TANC1: variants seen among roughly 807,000 people sequenced by gnomAD.
TANC1 encodes the protein tetratricopeptide repeat, ankyrin repeat and coiled-coil containing 1, also known as protein TANC1.
A neutral mutation model predicts 149.7 loss-of-function variants in TANC1; 77 were observed. The ratio of observed to expected loss-of-function variants is 0.51; its 90% CI spans 0.43 to 0.62. TANC1 has a LOEUF of 0.62. Ranked by LOEUF, TANC1 falls within the 20% of genes least tolerant of loss-of-function variation. The pLI is 0.00. For synonymous variants in TANC1, 854 were observed against 925.0 expected (o/e 0.92, Z 1.39); for missense variants, 1,985 against 2,321.8 (o/e 0.85, Z 2.98).
At position 159,231,231 on chromosome 2, in the gene TANC1, C is replaced by A. The variant is rs2060320056; in HGVS notation, c.*219C>A. On this transcript the variant is annotated 3_prime_UTR_variant, in exon 27 of 27. Transcript: ENST00000263635. The stretch of plus-strand genomic sequence containing the variant: ...TAAACAGAATTGAAAATTATATCAA[C>A]TTAAAATTTTAAGACAGCCCAGAAG... 3 of 473,290 alleles carry A rather than the reference C, an allele frequency of 6.3e-6. No individual in the cohort carries two copies. Among genetic ancestry groups the A allele is most frequent in the East Asian group, 7.0e-5 (2 of 28,548 alleles). The allele number at this position is 473,290 out of a possible 1,614,324, so 29.3% of individuals were successfully genotyped here.
intron 2 of TANC1, among the ~76,000 whole-genome samples, chr2:159,052,345 CTA>C (rs1241421547): frequency 2.0e-5 from 3 of 152,148 alleles, no homozygotes; most frequent in East Asian, 3.8e-4. Flanking sequence ...CTTTTACAGA[CTA>C]TTCTGAAAAT....
intron 1 of TANC1, among the ~76,000 whole-genome samples, chr2:158,986,392 T>C (rs1256540428): frequency 6.6e-6 from 1 of 152,138 alleles, no homozygotes; most frequent in Non-Finnish European, 1.5e-5. Flanking sequence ...AAATGCCCAG[T>C]CGGTGGTTGG....
chr2:159,217,615 C>G lies in TANC1; in HGVS notation c.3363C>G (p.Arg1121=), dbSNP rs374886231. ...RGVPPLFCAA[R]QGHWQIVRLL... ...TTCCACCTTTGTTTTGTGCAGCACG[C>G]CAGGGGCATTGGCAGGTACCCAGGG... The change falls in exon 20 of 27, where the codon CGC becomes CGG. Residue 1121 remains arginine (R), a synonymous_variant. Transcript: ENST00000263635. The G allele has an allele frequency of 5.0e-6, 8 of 1,614,096 alleles. No individual in the cohort carries two copies. The highest frequency in any genetic ancestry group is 6.8e-6 in the Non-Finnish European group (8 of 1,180,020).
chr2:159,205,966 G>A (rs772995425), intron 19 of TANC1, among the ~76,000 whole-genome samples: 13 of 152,220 alleles, frequency 8.5e-5, no homozygotes, highest in African/African-American at 1.4e-4. Context: ...GAGGTCCTGA[G>A]CATCTCACCA....
chr2:159,228,156 C>T (rs531050330), intron 25 of TANC1, 191 bp downstream of exon 25: 43 of 616,774 alleles, frequency 7.0e-5, no homozygotes, highest in Admixed American at 9.9e-5. Context: ...CTACGCTCCT[C>T]GCATGATGTT....
chr2:158,974,897 T>C (rs2033435005), intron 1 of TANC1, among the ~76,000 whole-genome samples: 3 of 147,386 alleles, frequency 2.0e-5, no homozygotes, highest in South Asian at 4.3e-4. Context: ...CACACCCAGC[T>C]AATTTTTGTA....
intron 4 of TANC1, among the ~76,000 whole-genome samples, chr2:159,125,069 T>C (rs1032462956): frequency 7.9e-5 from 12 of 152,136 alleles, no homozygotes; most frequent in African/African-American, 2.9e-4. Flanking sequence ...TGGCACATTG[T>C]AATTACTACC....
chr2:159,011,527 ATTTTTTTTT>A (rs10586189), intron 2 of TANC1, among the ~76,000 whole-genome samples: 2 of 106,726 alleles, frequency 1.9e-5, no homozygotes, highest in African/African-American at 7.1e-5. Context: ...TACACCTTAA[ATTTTTTTTT>A]TTTTTTTTTT....
intron 4 of TANC1, among the ~76,000 whole-genome samples, chr2:159,126,006 C>T (rs899136471): frequency 6.6e-6 from 1 of 152,198 alleles, no homozygotes; most frequent in South Asian, 2.1e-4. Context: ...TGGCTTCCTT[C>T]TCACACTTTA....
chr2:159,177,448 C>T (rs571981449), intron 13 of TANC1, among the ~76,000 whole-genome samples: 3 of 152,080 alleles, frequency 2.0e-5, no homozygotes, highest in Admixed American at 6.5e-5. Flanking sequence ...TATTTAAAAA[C>T]AGCATTTGGA....
At chr2:159,070,455 T>C (rs570987975) in intron 3 of TANC1, among the ~76,000 whole-genome samples, 4 of 152,266 alleles carry the variant, frequency 2.6e-5, no homozygotes, top group Non-Finnish European at 4.4e-5. Context: ...AGGTTCACTC[T>C]TGATATTGTG....
chr2:159,179,150 C>A lies in TANC1; in HGVS notation c.2497C>A (p.Leu833Met). 6.2e-7 allele frequency: 1 copy of A among 1,610,620 alleles called. No homozygotes were observed. The highest frequency in any genetic ancestry group is 8.5e-7 in the Non-Finnish European group (1 of 1,178,084). The change falls in exon 14 of 27, where the codon CTG becomes ATG. Residue 833 changes from leucine (L) to methionine (M), a missense_variant. Physicochemically the swap from Leu to Met is conservative, Grantham distance 15. Coordinates refer to ENST00000263635, the MANE Select transcript of TANC1 (RefSeq NM_033394.3). ...WRADGENTAF[L>M]CEPRNGHALL... The stretch of plus-strand genomic sequence containing the variant: ...AGCAGACGGGGAAAACACGGCCTTC[C>A]TGTGTGAGCCCAGGTACGGCAGGCG...
chr2:158,981,150 C>T (rs759831214), intron 1 of TANC1, among the ~76,000 whole-genome samples: 6 of 152,014 alleles, frequency 3.9e-5, no homozygotes, highest in Non-Finnish European at 8.8e-5. Context: ...TGAGAACAGA[C>T]ATTTAAGTTT....
intron 16 of TANC1, among the ~76,000 whole-genome samples, chr2:159,191,749 C>T (rs1460661843): frequency 6.6e-6 from 1 of 152,180 alleles, no homozygotes; most frequent in Admixed American, 6.5e-5. Context: ...TGTTTGTCAG[C>T]TACTCTTGTG....
intron 1 of TANC1, among the ~76,000 whole-genome samples, chr2:158,983,483 A>C (rs1254869512): frequency 1.3e-5 from 2 of 151,426 alleles, no homozygotes; most frequent in Admixed American, 6.6e-5. Flanking sequence ...AAAAAAAAAA[A>C]AAAACACCAA....
chr2:158,982,351 T>C (rs1465893108), intron 1 of TANC1, among the ~76,000 whole-genome samples: 2 of 152,290 alleles, frequency 1.3e-5, no homozygotes, highest in African/African-American at 2.4e-5. Context: ...CACAAACATA[T>C]AGGATATGGT....
chr2:159,018,156 T>C (rs992372287), intron 2 of TANC1, among the ~76,000 whole-genome samples: 2 of 152,194 alleles, frequency 1.3e-5, no homozygotes, highest in Non-Finnish European at 2.9e-5. Flanking sequence ...GGAGTCTGTT[T>C]GGAGCATTTT....
chr2:159,046,326 G>C (rs2041037144), intron 2 of TANC1, among the ~76,000 whole-genome samples: 1 of 152,152 alleles, frequency 6.6e-6, no homozygotes, highest in African/African-American at 2.4e-5. Context: ...GTGGGTTTGA[G>C]GGAGAAGGGT....
At chr2:159,159,696 G>GTA (rs2053813906) in intron 7 of TANC1, among the ~76,000 whole-genome samples, 1 of 47,410 alleles carries the variant, frequency 2.1e-5, no homozygotes, top group Non-Finnish European at 4.8e-5. Context: ...ACATACGTGT[G>GTA]TGTGTGTGTG....
Sources: gnomAD v4.1 joint callset for allele counts (sites outside exome capture counted in the v4.1 genomes callset) on GRCh38, gnomAD v4.1.1 for gene constraint, MANE v1.5 for transcripts, NCBI Gene and HGNC (gene_info 2026-07-23, HGNC 2026-07-21) for gene names.